CDX1: variants seen among roughly 807,000 people sequenced by gnomAD.
CDX1 encodes the protein caudal type homeobox 1, also known as homeobox protein CDX-1.
A neutral mutation model predicts 16.9 loss-of-function variants in CDX1; 9 were observed. The ratio of observed to expected loss-of-function variants is 0.53; its 90% CI spans 0.32 to 0.93. CDX1 has a LOEUF of 0.93. Among genes scored for constraint, CDX1 ranks in the 40% least tolerant of loss-of-function variants. The pLI, the probability that CDX1 is intolerant of heterozygous loss-of-function variation, is 0.04. For synonymous variants in CDX1, 179 were observed against 179.0 expected (o/e 1.00, Z 0.00); for missense variants, 393 against 386.1 (o/e 1.02, Z -0.15).
intron 1 of CDX1, among the ~76,000 whole-genome samples, chr5:150,179,404 CCCTATCT>C (rs1761612363): frequency 6.6e-6 from 1 of 152,300 alleles, no homozygotes; most frequent in Non-Finnish European, 1.5e-5. Flanking sequence ...TGCAGCTAAA[CCCTATCT>C]CCATCTGGTC....
chr5:150,181,862 A>G lies in CDX1; in HGVS notation c.446-906A>G, dbSNP rs187779140. On this transcript the variant is annotated intron_variant, in intron 1 of 2. Coordinates refer to ENST00000231656, the MANE Select transcript of CDX1 (RefSeq NM_001804.3). ...AGCCCAGAGCTTGGCTCACAGCAGGAGCTCAGTGAGGATCTGTGGGATGAG... is the reference window on the plus strand; with the variant it reads ...AGCCCAGAGCTTGGCTCACAGCAGGGGCTCAGTGAGGATCTGTGGGATGAG... Among the ~76,000 whole-genome samples the G allele has an allele frequency of 1.6e-3, 249 of 152,332 alleles. 1 individual carries two copies. Among genetic ancestry groups the G allele is most frequent in the African/African-American group, 5.9e-3 (244 of 41,584 alleles).
intron 1 of CDX1, among the ~76,000 whole-genome samples, chr5:150,176,449 C>G (rs1364787043): frequency 6.6e-6 from 1 of 152,224 alleles, no homozygotes; most frequent in Non-Finnish European, 1.5e-5. Flanking sequence ...GCTGGCATCA[C>G]AGACACGGGT....
At chr5:150,169,896 T>C (rs1371549314) in intron 1 of CDX1, among the ~76,000 whole-genome samples, 8 of 152,198 alleles carry the variant, frequency 5.3e-5, no homozygotes, top group Admixed American at 4.6e-4. Flanking sequence ...TGAAGAATGT[T>C]CCAGTTTCAC....
intron 1 of CDX1, among the ~76,000 whole-genome samples, chr5:150,180,099 G>A (rs1335708901): frequency 6.6e-6 from 1 of 152,208 alleles, no homozygotes; most frequent in African/African-American, 2.4e-5. Flanking sequence ...AAAGTGCGAG[G>A]AGACTAAACT....
intron 1 of CDX1, among the ~76,000 whole-genome samples, chr5:150,175,086 C>T (rs956276928): frequency 2.0e-5 from 3 of 152,176 alleles, no homozygotes; most frequent in Non-Finnish European, 4.4e-5. Flanking sequence ...CTCTCTCCTG[C>T]CTCTTTCAGC....
At chr5:150,183,105 A>G (rs1334753806) in intron 2 of CDX1, among the ~76,000 whole-genome samples, 192 bp downstream of exon 2, 1 of 152,188 alleles carries the variant, frequency 6.6e-6, no homozygotes, top group East Asian at 1.9e-4. Context: ...CTTGCCCCCA[A>G]AGGCAGGGGT....
At chr5:150,178,196 C>T (rs990668448) in intron 1 of CDX1, among the ~76,000 whole-genome samples, 8 of 150,956 alleles carry the variant, frequency 5.3e-5, no homozygotes, top group African/African-American at 1.7e-4. Flanking sequence ...CATTAGGGGA[C>T]GGGAGTTTGC....
At chr5:150,173,556 C>T (rs1455081735) in intron 1 of CDX1, among the ~76,000 whole-genome samples, 2 of 152,336 alleles carry the variant, frequency 1.3e-5, no homozygotes, top group Admixed American at 1.3e-4. Flanking sequence ...GCTCACTTTC[C>T]TTCCTGCTGC....
In CDX1 at chr5:150,176,629, G is replaced by T. The variant is rs369302479; in HGVS notation, c.446-6139G>T. On this transcript the variant is annotated intron_variant, in intron 1 of 2. Transcript: ENST00000231656. ...AGGGAAGGCTCAAAGCTGCACAAAG[G>T]GCTCAAAACTGCAGAGTCTCGAGGG... Among the ~76,000 whole-genome samples the T allele has an allele frequency of 4.2e-4, 64 of 152,278 alleles. 1 individual carries two copies. Among genetic ancestry groups the T allele is most frequent in the African/African-American group, 1.5e-3 (62 of 41,564 alleles).
intron 1 of CDX1, among the ~76,000 whole-genome samples, chr5:150,176,488 A>C (rs1761571481): frequency 6.6e-6 from 1 of 152,138 alleles, no homozygotes; most frequent in African/African-American, 2.4e-5. Flanking sequence ...TGCTGCATGC[A>C]GTGTGGGTCT....
At chr5:150,167,840 C>A (rs1379733324) in intron 1 of CDX1, among the ~76,000 whole-genome samples, 1 of 152,220 alleles carries the variant, frequency 6.6e-6, no homozygotes, top group African/African-American at 2.4e-5. Flanking sequence ...TGAAAAAGAG[C>A]CCTCTTTGGC....
At chr5:150,179,350 C>G (rs561609734) in intron 1 of CDX1, among the ~76,000 whole-genome samples, 84 of 152,328 alleles carry the variant, frequency 5.5e-4, no homozygotes, top group African/African-American at 2.0e-3. Context: ...GCCTGTGGGC[C>G]AGGTCTTCAC....
intron 2 of CDX1, 150 bp downstream of exon 2, chr5:150,183,063 A>T: frequency 1.0e-6 from 1 of 967,216 alleles, no homozygotes; most frequent in Non-Finnish European, 1.5e-6. Context: ...CTGAGGTGCT[A>T]CCAGCACCCT....
rs551705018 is a variant in CDX1 at position 150,176,455 on chromosome 5, C to T, written c.446-6313C>T. 6.6e-5 allele frequency among the ~76,000 whole-genome samples: 10 copies of T among 152,322 alleles called. No homozygotes were observed. The East Asian group carries it at 1.2e-3, about 18-fold the overall frequency. ...CATTCCTAGGCTGGCATCACAGACACGGGTGAGCTCCCCATCGCCTGTTGC... is the reference window on the plus strand; with the variant it reads ...CATTCCTAGGCTGGCATCACAGACATGGGTGAGCTCCCCATCGCCTGTTGC... On this transcript the variant is annotated intron_variant, in intron 1 of 2. Coordinates refer to ENST00000231656, the MANE Select transcript of CDX1 (RefSeq NM_001804.3).
At position 150,183,687 on chromosome 5, in the gene CDX1, G is replaced by GCC; in HGVS notation, c.*9_*10dup. On this transcript the variant is annotated 3_prime_UTR_variant, in exon 3 of 3. Transcript: ENST00000231656. ...AGAGGAGTTTCTGCCATAGCCCCAT[G>GCC]CCCAGCCTGTGCGCCGGGGGACCTG... The GCC allele has an allele frequency of 6.5e-7, 1 of 1,543,764 alleles. No individual in the cohort carries two copies. The highest frequency in any genetic ancestry group is 2.0e-5 in the Admixed American group (1 of 51,062).
chr5:150,172,957 C>T (rs1761525265), intron 1 of CDX1, among the ~76,000 whole-genome samples: 1 of 152,108 alleles, frequency 6.6e-6, no homozygotes, highest in African/African-American at 2.4e-5. Flanking sequence ...GTTGGAGCTC[C>T]TGGGATATGG....
Position 150,167,472 on chromosome 5 carries a change from G to A in CDX1, c.445+151G>A, listed in dbSNP as rs1386875672. ...CTCTCGCCCTGGGGGGCTGCTCTTT[G>A]GCTCCCTCTCCTCAGTCTCAGGCTA... On this transcript the variant is annotated intron_variant, in intron 1 of 2. Transcript: ENST00000231656. 8 of 447,978 alleles carry A rather than the reference G, an allele frequency of 1.8e-5. No homozygotes were observed. The Admixed American group carries it at 3.6e-4, about 20-fold the overall frequency. 27.8% of individuals were successfully genotyped at this position (447,978 alleles called of 1,614,324 possible).
intron 2 of CDX1, 74 bp downstream of exon 2, chr5:150,182,987 A>T: frequency 6.8e-7 from 1 of 1,480,190 alleles, no homozygotes; most frequent in Non-Finnish European, 9.0e-7. Context: ...GGCAGAGTAC[A>T]GAGCTCAGTA....
At chr5:150,169,555 G>A (rs944998051) in intron 1 of CDX1, among the ~76,000 whole-genome samples, 7 of 152,178 alleles carry the variant, frequency 4.6e-5, no homozygotes, top group Non-Finnish European at 5.9e-5. Context: ...CTGAAGTGGG[G>A]GCAGAATTGG....
Sources: gnomAD v4.1 joint callset for allele counts (sites outside exome capture counted in the v4.1 genomes callset) on GRCh38, gnomAD v4.1.1 for gene constraint, MANE v1.5 for transcripts, NCBI Gene and HGNC (gene_info 2026-07-23, HGNC 2026-07-21) for gene names.